DTNA: variants seen among roughly 807,000 people sequenced by gnomAD.
DTNA encodes the protein dystrobrevin alpha, also known as dystrophin-related protein 3.
DTNA carries 43 observed loss-of-function variants against 100.7 expected under a neutral mutation model. The ratio of observed to expected loss-of-function variants is 0.43; its 90% CI spans 0.33 to 0.55. The LOEUF (loss-of-function observed/expected upper bound fraction) is 0.55, where lower values mean the gene tolerates loss of function less well. Among genes scored for constraint, DTNA ranks in the 20% least tolerant of loss-of-function variants. The probability of loss-of-function intolerance (pLI) is 0.04; values close to 1 mark genes in which losing one functional copy is unlikely to be tolerated. For missense variants in DTNA, 798 were observed against 953.9 expected, an observed-to-expected ratio of 0.84 and a Z score of 2.15; for synonymous variants, 349 against 347.9, an observed-to-expected ratio of 1.00 and a Z score of -0.04.
chr18:34,527,783 A>T (rs1265463057), intron 1 of DTNA, among the ~76,000 whole-genome samples: 3 of 152,140 alleles, frequency 2.0e-5, no homozygotes, highest in African/African-American at 7.2e-5. Context: ...TACTTAAACC[A>T]CTAAGTCATG....
intron 1 of DTNA, among the ~76,000 whole-genome samples, chr18:34,619,619 C>T (rs914691413): frequency 1.3e-5 from 2 of 152,056 alleles, no homozygotes; most frequent in Non-Finnish European, 2.9e-5. Flanking sequence ...GCTCTGACAA[C>T]AGAATGGATG....
At chr18:34,591,795 A>G (rs935716906) in intron 1 of DTNA, among the ~76,000 whole-genome samples, 14 of 152,196 alleles carry the variant, frequency 9.2e-5, no homozygotes, top group Non-Finnish European at 2.1e-4. Context: ...ATCTTTTTAA[A>G]AGACATCTAG....
chr18:34,746,388 G>A (rs1417079626), intron 1 of DTNA, among the ~76,000 whole-genome samples: 2 of 152,064 alleles, frequency 1.3e-5, no homozygotes, highest in Non-Finnish European at 2.9e-5. Context: ...TTAAGGACTT[G>A]GCTACCACAG....
intron 1 of DTNA, among the ~76,000 whole-genome samples, chr18:34,544,703 A>G (rs2044590181): frequency 6.6e-6 from 1 of 151,966 alleles, no homozygotes; most frequent in Non-Finnish European, 1.5e-5. Context: ...AGTTTTAGGT[A>G]TCTGTCTAGG....
chr18:34,730,765 C>T lies in DTNA; in HGVS notation c.-2+20320C>T, dbSNP rs1387163984. ...TTCCTCTCACCCTAATATCTATGCACATTGTGTTCTCTTTTCCCCCTTTAT... is the reference window on the plus strand; with the variant it reads ...TTCCTCTCACCCTAATATCTATGCATATTGTGTTCTCTTTTCCCCCTTTAT... On this transcript the variant is annotated intron_variant, in intron 1 of 22. Transcript: ENST00000444659. Among the ~76,000 whole-genome samples, 5 of 152,184 alleles carry T rather than the reference C, an allele frequency of 3.3e-5. No homozygotes were observed. The East Asian group carries it at 9.6e-4, about 29-fold the overall frequency.
chr18:34,609,073 G>A (rs2053690174), intron 1 of DTNA, among the ~76,000 whole-genome samples: 1 of 152,076 alleles, frequency 6.6e-6, no homozygotes, highest in South Asian at 2.1e-4. Context: ...AGTAACATTT[G>A]TGCTAAATGC....
At chr18:34,589,624 G>A (rs187240359) in intron 1 of DTNA, among the ~76,000 whole-genome samples, 2,230 of 151,138 alleles carry the variant, frequency 0.015, 31 homozygotes, top group Non-Finnish European at 0.023. Flanking sequence ...AAAACAAAAC[G>A]AAAAAAAAGT....
chr18:34,654,412 C>T (rs1227892756), intron 1 of DTNA, among the ~76,000 whole-genome samples: 1 of 152,122 alleles, frequency 6.6e-6, no homozygotes, highest in East Asian at 1.9e-4. Flanking sequence ...TCTAAGTAAG[C>T]TCTATTATTA....
At chr18:34,538,161 A>G (rs2043902872) in intron 1 of DTNA, among the ~76,000 whole-genome samples, 1 of 152,100 alleles carries the variant, frequency 6.6e-6, no homozygotes, top group African/African-American at 2.4e-5. Flanking sequence ...AGACAAAGTT[A>G]TACCAGGCAA....
chr18:34,516,053 G>T (rs1303904859), intron 1 of DTNA, among the ~76,000 whole-genome samples: 3 of 152,038 alleles, frequency 2.0e-5, no homozygotes, highest in African/African-American at 4.8e-5. Context: ...CTAATACAGT[G>T]AATCTCAGCT....
intron 1 of DTNA, among the ~76,000 whole-genome samples, chr18:34,746,729 T>C (rs2091643996): frequency 6.6e-6 from 1 of 152,270 alleles, no homozygotes; most frequent in Admixed American, 6.5e-5. Flanking sequence ...GAACCTCACA[T>C]GCATAACAGA....
At chr18:34,829,145 A>C in intron 10 of DTNA, 4 of 1,613,898 alleles carry the variant, frequency 2.5e-6, no homozygotes, top group Non-Finnish European at 3.4e-6. Flanking sequence ...TCCAGGGTGC[A>C]TGGTACCCAT....
intron 1 of DTNA, among the ~76,000 whole-genome samples, chr18:34,698,355 G>T (rs1375610533): frequency 1.3e-5 from 2 of 152,170 alleles, no homozygotes; most frequent in Non-Finnish European, 2.9e-5. Context: ...TGCTGGCAGG[G>T]CCATTCTCCC....
chr18:34,818,359 G>A (rs777321673), intron 8 of DTNA, 29 bp downstream of exon 8: 2 of 1,610,800 alleles, frequency 1.2e-6, no homozygotes, highest in African/African-American at 1.3e-5. Context: ...AATACTTGGA[G>A]TTGGATGTGT....
At chr18:34,750,237 G>A (rs762149871) in intron 1 of DTNA, among the ~76,000 whole-genome samples, 4 of 152,166 alleles carry the variant, frequency 2.6e-5, no homozygotes, top group African/African-American at 9.7e-5. Flanking sequence ...GCGAGACTGT[G>A]AATCAGTGTG....
In DTNA at chr18:34,736,281, T is replaced by A. The variant is rs2089570129; in HGVS notation, c.-1-19695T>A. Among the ~76,000 whole-genome samples, 3 of 152,226 alleles carry A rather than the reference T, an allele frequency of 2.0e-5. No homozygotes were observed. The South Asian group carries it at 6.2e-4, about 32-fold the overall frequency. ...CACATATGTATGCGTGCACTATTTG[T>A]CATTTGTTTCCATTTTTTAGAGATT... On this transcript the variant is annotated intron_variant, in intron 1 of 22. Coordinates refer to ENST00000444659, the MANE Select transcript of DTNA (RefSeq NM_001386795.1).
chr18:34,575,009 A>G (rs2047977106), intron 1 of DTNA, among the ~76,000 whole-genome samples: 1 of 152,218 alleles, frequency 6.6e-6, no homozygotes, highest in Admixed American at 6.5e-5. Context: ...TAATGCTTTT[A>G]CTAAAATAGT....
chr18:34,752,625 G>T (rs1286444729), intron 1 of DTNA, among the ~76,000 whole-genome samples: 1 of 152,142 alleles, frequency 6.6e-6, no homozygotes, highest in Non-Finnish European at 1.5e-5. Context: ...AGAAAACTCT[G>T]GGGATAAAAT....
intron 1 of DTNA, among the ~76,000 whole-genome samples, chr18:34,673,216 GC>G (rs2076986653): frequency 6.6e-6 from 1 of 152,062 alleles, no homozygotes; most frequent in Non-Finnish European, 1.5e-5. Flanking sequence ...CTCCCAAGCA[GC>G]AGGGACCACA....
Sources: allele counts gnomAD v4.1 joint callset (sites outside exome capture counted in the v4.1 genomes callset), GRCh38; gene constraint gnomAD v4.1.1; transcripts MANE v1.5; gene names NCBI Gene and HGNC (gene_info 2026-07-23, HGNC 2026-07-21).